MGAT3: variants seen among roughly 807,000 people sequenced by gnomAD.
MGAT3 encodes the protein GlcNAc-T III.
In MGAT3, 9 loss-of-function variants were observed where a neutral mutation model predicts 29.8. The ratio of observed to expected loss-of-function variants is 0.30; its 90% CI spans 0.18 to 0.53. The LOEUF (loss-of-function observed/expected upper bound fraction) is 0.53, where lower values mean the gene tolerates loss of function less well. MGAT3 is among the 20% of genes least tolerant of loss of function. The pLI is 0.96. For missense variants in MGAT3, 557 were observed against 769.5 expected (o/e 0.72, Z 3.27); for synonymous variants, 397 against 348.9 (o/e 1.14, Z -1.54).
chr22:39,481,086 C>T (rs1262140493), intron 1 of MGAT3, among the ~76,000 whole-genome samples: 1 of 152,250 alleles, frequency 6.6e-6, no homozygotes, highest in Admixed American at 6.5e-5. Context: ...CACTTCGAAC[C>T]ATGCCTCCAG....
intron 1 of MGAT3, among the ~76,000 whole-genome samples, chr22:39,466,128 T>C (rs2145711706): frequency 6.6e-6 from 1 of 152,204 alleles, no homozygotes; most frequent in African/African-American, 2.4e-5. Context: ...TGCTTCTTTC[T>C]CTGTGCTTTC....
intron 1 of MGAT3, among the ~76,000 whole-genome samples, chr22:39,481,804 C>T (rs1031908718): frequency 2.6e-5 from 4 of 152,212 alleles, no homozygotes; most frequent in African/African-American, 9.7e-5. Context: ...GCGACATCAT[C>T]TCCCTGGCCT....
chr22:39,460,107 A>G (rs986324262), intron 1 of MGAT3, among the ~76,000 whole-genome samples: 1 of 152,184 alleles, frequency 6.6e-6, no homozygotes, highest in Non-Finnish European at 1.5e-5. Flanking sequence ...CGCCCAGCCA[A>G]GTCATTCAGG....
intron 1 of MGAT3, among the ~76,000 whole-genome samples, chr22:39,483,752 A>G (rs144738306): frequency 3.3e-5 from 5 of 152,302 alleles, no homozygotes; most frequent in African/African-American, 9.6e-5. Context: ...CAGAAGACCC[A>G]CTTCAAAATG....
chr22:39,476,455 C>G (rs916860772), intron 1 of MGAT3: 20 of 152,304 alleles, frequency 1.3e-4, no homozygotes, highest in Middle Eastern at 3.1e-3. Flanking sequence ...GAAGCTGTCT[C>G]ACCTGCTCCA....
chr22:39,475,436 C>T (rs1233357931), intron 1 of MGAT3, among the ~76,000 whole-genome samples: 1 of 152,120 alleles, frequency 6.6e-6, no homozygotes, highest in Non-Finnish European at 1.5e-5. Context: ...CACCTCCCCT[C>T]CCGAGGTCTC....
intron 1 of MGAT3, among the ~76,000 whole-genome samples, chr22:39,467,839 C>G (rs1224646291): frequency 6.8e-6 from 1 of 147,332 alleles, no homozygotes; most frequent in Non-Finnish European, 1.5e-5. Context: ...AGAGGTAGAA[C>G]CTTCAGATGC....
At chr22:39,461,202 C>G (rs1928488485) in intron 1 of MGAT3, among the ~76,000 whole-genome samples, 2 of 152,150 alleles carry the variant, frequency 1.3e-5, no homozygotes, top group Non-Finnish European at 2.9e-5. Context: ...GCTTTAGTCC[C>G]CAGGCATTCA....
chr22:39,488,232 C>T lies in MGAT3; in HGVS notation c.885C>T (p.Phe295=), dbSNP rs1348172874. 1.9e-6 allele frequency: 3 copies of T among 1,612,260 alleles called. No individual in the cohort carries two copies. The highest frequency in any genetic ancestry group is 4.5e-5 in the East Asian group (2 of 44,860). Residue 295 remains phenylalanine (F), a synonymous_variant, in exon 2 of 2, where the codon TTC becomes TTT. Coordinates refer to ENST00000341184, the MANE Select transcript of MGAT3 (RefSeq NM_002409.5). Reference sequence around the variant, plus strand: ...TCGCCGACGACTACCTGCGCACCTTCCTCACCCAGGACGGCGTCTCGCGGC... The same window carrying T: ...TCGCCGACGACTACCTGCGCACCTTTCTCACCCAGGACGGCGTCTCGCGGC... ...GWIADDYLRT[F]LTQDGVSRLR...
chr22:39,487,738 G>C lies in MGAT3; in HGVS notation c.391G>C (p.Gly131Arg). ...GTKMLERPPPGRPEEKPEGAN... is the reference protein window; with the variant it reads ...GTKMLERPPPRRPEEKPEGAN... ...CAAGATGCTGGAGAGGCCGCCCCCG[G>C]GACGGCCGGAGGAGAAGCCTGAGGG... Residue 131 changes from glycine to arginine, a missense_variant, in exon 2 of 2, where the codon GGA (glycine) becomes CGA (arginine). This residue lies in a region of MGAT3 where 212 missense variants were observed against 228.5 expected (regional missense o/e 0.93). Coordinates refer to ENST00000341184, the MANE Select transcript of MGAT3 (RefSeq NM_002409.5). The surrounding 1 kb of genome is among the most constrained non-coding windows in gnomAD (Gnocchi z 5.7). The C allele has an allele frequency of 6.5e-7, 1 of 1,542,596 alleles. No homozygotes were observed. Among genetic ancestry groups the C allele is most frequent in the Non-Finnish European group, 8.7e-7 (1 of 1,147,752 alleles).
At chr22:39,460,408 T>A (rs1461690316) in intron 1 of MGAT3, among the ~76,000 whole-genome samples, 1 of 152,156 alleles carries the variant, frequency 6.6e-6, no homozygotes, top group East Asian at 1.9e-4. Context: ...GGATTCCAGA[T>A]CTAGTGGCCC....
chr22:39,465,146 T>C (rs1367593516), intron 1 of MGAT3, among the ~76,000 whole-genome samples: 3 of 152,202 alleles, frequency 2.0e-5, no homozygotes, highest in Non-Finnish European at 2.9e-5. Flanking sequence ...TCATCTACGC[T>C]GGCCTCTGAC....
intron 1 of MGAT3, among the ~76,000 whole-genome samples, chr22:39,479,346 T>TA (rs1929057689): frequency 6.6e-6 from 1 of 152,106 alleles, no homozygotes; most frequent in Admixed American, 6.5e-5. Flanking sequence ...AAACCCTGTC[T>TA]AAAAAAATTT....
chr22:39,459,498 C>T (rs930489813), intron 1 of MGAT3, among the ~76,000 whole-genome samples: 2 of 152,182 alleles, frequency 1.3e-5, no homozygotes, highest in Non-Finnish European at 2.9e-5. Context: ...GGGTCTCACT[C>T]TGTGATCCAA....
chr22:39,464,959 GT>G (rs1174612174), intron 1 of MGAT3, among the ~76,000 whole-genome samples: 1 of 151,776 alleles, frequency 6.6e-6, no homozygotes, highest in Non-Finnish European at 1.5e-5. Context: ...GTTTCACCAT[GT>G]TAGCCAGCAT....
chr22:39,482,690 G>A (rs1444865495), intron 1 of MGAT3, among the ~76,000 whole-genome samples: 7 of 152,164 alleles, frequency 4.6e-5, no homozygotes, highest in South Asian at 2.1e-4. Flanking sequence ...GAAACTATGC[G>A]GGCAGCTGCA....
intron 1 of MGAT3, among the ~76,000 whole-genome samples, chr22:39,467,639 T>G (rs1928687164): frequency 6.6e-6 from 1 of 151,716 alleles, no homozygotes; most frequent in South Asian, 2.1e-4. Context: ...TGCTTCCTTC[T>G]TTTTTCTTTT....
At position 39,464,462 on chromosome 22, in the gene MGAT3, C is replaced by T. The variant is rs570763678; in HGVS notation, c.-2+6905C>T. On this transcript the variant is annotated intron_variant, in intron 1 of 1. Transcript: ENST00000341184. ...TTTCTTGTCTTTTTTTTTTTTGAGA[C>T]GGAGTTTCACTGTGTCACCCAGGCT... Among the ~76,000 whole-genome samples, 6 of 151,592 alleles carry T rather than the reference C, an allele frequency of 4.0e-5. No individual in the cohort carries two copies. In the South Asian group the frequency reaches 6.2e-4, roughly 16 times the overall value.
At chr22:39,485,775 C>G (rs1361623507) in intron 1 of MGAT3, among the ~76,000 whole-genome samples, 6 of 151,018 alleles carry the variant, frequency 4.0e-5, no homozygotes, top group Non-Finnish European at 7.4e-5. Context: ...GGCGACAGAG[C>G]AAGACTCTGT....
Sources: gnomAD v4.1 joint callset for allele counts (sites outside exome capture counted in the v4.1 genomes callset) on GRCh38, gnomAD v4.1.1 for gene constraint, gnomAD v4.1.1 regional missense constraint, Gnocchi (gnomAD v3.1) non-coding constraint, MANE v1.5 for transcripts, NCBI Gene and HGNC (gene_info 2026-07-23, HGNC 2026-07-21) for gene names.